ARB2A: variants seen among roughly 807,000 people sequenced by gnomAD.
The protein encoded by ARB2A is cotranscriptional regulator ARB2A.
At chr5:93,801,059 CTTTCT>C in the ARB2A span, among the ~76,000 whole-genome samples, 1 of 152,052 alleles carries the variant, frequency 6.6e-6, no homozygotes, top group Non-Finnish European at 1.5e-5. Context: ...CTTTGCTTAT[CTTTCT>C]TTTGACCTTT....
At chr5:93,977,617 C>A in the ARB2A span, among the ~76,000 whole-genome samples, 24 of 152,024 alleles carry the variant, frequency 1.6e-4, no homozygotes, top group South Asian at 2.5e-3. Flanking sequence ...AAAAATTAAC[C>A]CAACATGGAT....
the ARB2A span, among the ~76,000 whole-genome samples, chr5:93,918,753 C>T: frequency 5.9e-5 from 9 of 152,064 alleles, no homozygotes; most frequent in Non-Finnish European, 1.2e-4. Flanking sequence ...CTCAGAGTCC[C>T]GTATTGCTTC....
chr5:93,845,930 G>C, the ARB2A span, among the ~76,000 whole-genome samples: 1 of 151,806 alleles, frequency 6.6e-6, no homozygotes, highest in East Asian at 1.9e-4. Context: ...AAGAATTAAT[G>C]ATTAATTTAG....
the ARB2A span, among the ~76,000 whole-genome samples, chr5:94,094,051 C>T: frequency 3.3e-5 from 5 of 152,138 alleles, no homozygotes; most frequent in African/African-American, 9.7e-5. Flanking sequence ...TCTCCAGGCC[C>T]TCTCTATTTT....
the ARB2A span, among the ~76,000 whole-genome samples, chr5:93,625,699 C>CATTCTT: frequency 2.0e-5 from 3 of 152,252 alleles, no homozygotes; most frequent in East Asian, 5.8e-4. Context: ...GACTATAAAT[C>CATTCTT]ATATGAGAAA....
the ARB2A span, among the ~76,000 whole-genome samples, chr5:93,935,559 G>A: frequency 6.6e-6 from 1 of 152,162 alleles, no homozygotes; most frequent in Non-Finnish European, 1.5e-5. Context: ...TGATGTATGA[G>A]GTTGGAGAGG....
the ARB2A span, among the ~76,000 whole-genome samples, chr5:93,714,749 T>C: frequency 6.6e-6 from 1 of 152,170 alleles, no homozygotes; most frequent in Non-Finnish European, 1.5e-5. Flanking sequence ...TGGCTCCACA[T>C]AGTCTCCTGG....
chr5:94,048,378 A>C, the ARB2A span, among the ~76,000 whole-genome samples: 1 of 152,008 alleles, frequency 6.6e-6, no homozygotes, highest in Non-Finnish European at 1.5e-5. Context: ...AATGTGCAGC[A>C]GAAATTACTC....
the ARB2A span, among the ~76,000 whole-genome samples, chr5:94,039,589 G>C: frequency 6.6e-6 from 1 of 152,186 alleles, no homozygotes; most frequent in Non-Finnish European, 1.5e-5. Flanking sequence ...AGCCCTCAGG[G>C]CTGTTCTGTC....
At chr5:93,621,199 C>A in the ARB2A span, 1 of 1,429,480 alleles carries the variant, frequency 7.0e-7, no homozygotes, top group Non-Finnish European at 9.3e-7. Flanking sequence ...CGGCGAGGGC[C>A]AGGCCGAGCC....
chr5:93,881,878 G>A, the ARB2A span, among the ~76,000 whole-genome samples: 1 of 150,292 alleles, frequency 6.7e-6, no homozygotes, highest in South Asian at 2.1e-4. Flanking sequence ...CCTTTATTGT[G>A]TATATAAATA....
the ARB2A span, among the ~76,000 whole-genome samples, chr5:94,023,413 A>G: frequency 2.6e-5 from 4 of 152,362 alleles, no homozygotes; most frequent in Non-Finnish European, 4.4e-5. Context: ...CAGGTACTCA[A>G]TGAGGGAAAT....
chr5:93,881,333 C>G, the ARB2A span: 1 of 601,464 alleles, frequency 1.7e-6, no homozygotes, highest in East Asian at 3.0e-5. Context: ...CCCATTTAAT[C>G]CAAGTAGACG....
chr5:93,653,958 C>A, the ARB2A span, among the ~76,000 whole-genome samples: 1 of 151,034 alleles, frequency 6.6e-6, no homozygotes, highest in Admixed American at 6.6e-5. Flanking sequence ...GAATGAATGA[C>A]TGACTCAGAT....
the ARB2A span, among the ~76,000 whole-genome samples, chr5:94,002,737 A>G: frequency 6.6e-6 from 1 of 152,048 alleles, no homozygotes; most frequent in African/African-American, 2.4e-5. Context: ...TTTTAAAATA[A>G]TAATATATCA....
At chr5:93,941,953 G>C in the ARB2A span, among the ~76,000 whole-genome samples, 1 of 152,170 alleles carries the variant, frequency 6.6e-6, no homozygotes, top group African/African-American at 2.4e-5. Context: ...TTCAGTACTA[G>C]AGACAATCTA....
the ARB2A span, among the ~76,000 whole-genome samples, chr5:93,983,303 A>G: frequency 6.6e-6 from 1 of 152,150 alleles, no homozygotes; most frequent in East Asian, 1.9e-4. Context: ...TGGAGCACAG[A>G]AAGTACAAGA....
At chr5:93,710,589 CT>C in the ARB2A span, among the ~76,000 whole-genome samples, 6 of 152,068 alleles carry the variant, frequency 3.9e-5, no homozygotes, top group African/African-American at 1.2e-4. Flanking sequence ...ATAAAGGTGA[CT>C]GTAGTATTTA....
chr5:93,784,526 T>C, the ARB2A span: 1 of 1,564,274 alleles, frequency 6.4e-7, no homozygotes, highest in Non-Finnish European at 8.8e-7. Context: ...AAATAAAATA[T>C]TGGCTATAAT....
Sources: allele counts gnomAD v4.1 joint callset (sites outside exome capture counted in the v4.1 genomes callset), GRCh38; gene constraint gnomAD v4.1.1; transcripts MANE v1.5; gene names NCBI Gene and HGNC (gene_info 2026-07-23, HGNC 2026-07-21).